Variants in ADAMTSL1 observed in about 807,000 individuals in gnomAD.
ADAMTSL1 encodes ADAMTS-like protein 1.
In ADAMTSL1, 126 loss-of-function variants were observed where a neutral mutation model predicts 201.8. That is an observed-to-expected ratio of 0.62 (90% confidence interval 0.54 to 0.72). ADAMTSL1 has a LOEUF of 0.72. Among genes scored for constraint, ADAMTSL1 ranks in the 30% least tolerant of loss-of-function variants. The probability of loss-of-function intolerance (pLI) is 0.00; values close to 1 mark genes in which losing one functional copy is unlikely to be tolerated. For missense variants in ADAMTSL1, 2,679 were observed against 2,277.8 expected (o/e 1.18, Z -3.59); for synonymous variants, 1,121 against 903.4 (o/e 1.24, Z -4.32).
At chr9:18,601,821 C>G (rs1194416394) in intron 4 of ADAMTSL1, among the ~76,000 whole-genome samples, 1 of 151,180 alleles carries the variant, frequency 6.6e-6, no homozygotes, top group Non-Finnish European at 1.5e-5. Flanking sequence ...CTATACATTT[C>G]CATAGATATT....
At chr9:18,867,728 G>A (rs1827629073) in intron 23 of ADAMTSL1, among the ~76,000 whole-genome samples, 1 of 152,092 alleles carries the variant, frequency 6.6e-6, no homozygotes, top group Non-Finnish European at 1.5e-5. Flanking sequence ...CTGAGTTCAA[G>A]CAATTCTCCC....
chr9:18,760,611 G>A (rs1183613628), intron 16 of ADAMTSL1, among the ~76,000 whole-genome samples: 1 of 152,162 alleles, frequency 6.6e-6, no homozygotes, highest in Non-Finnish European at 1.5e-5. Context: ...ATTGGATCAT[G>A]TTACCCCCTA....
chr9:18,149,151 T>C (rs1330115697), intron 1 of ADAMTSL1, among the ~76,000 whole-genome samples: 1 of 151,968 alleles, frequency 6.6e-6, no homozygotes, highest in African/African-American at 2.4e-5. Flanking sequence ...GGCTAGAAAC[T>C]GGGAGATGAA....
rs538384008 is a variant in ADAMTSL1, at chr9:17,907,266, C to T, written c.87+344C>T. Among the ~76,000 whole-genome samples the T allele has an allele frequency of 3.9e-5, 6 of 152,296 alleles. No homozygotes were observed. The South Asian group carries it at 1.2e-3, about 32-fold the overall frequency. On this transcript the variant is annotated intron_variant, in intron 1 of 29. Transcript: ENST00000680146. ...CCCCAACAGTCCTCTACCCCCCACC[C>T]TTTCCGACAGTCCTTCGCGGAGCCC...
In ADAMTSL1 at chr9:18,176,007, C is replaced by CAA. The variant is rs57982328; in HGVS notation, c.207+12051_207+12052dup. 5.9e-3 allele frequency among the ~76,000 whole-genome samples: 369 copies of CAA among 62,544 alleles called. 21 individuals carry two copies. Among genetic ancestry groups the CAA allele is most frequent in the African/African-American group, 0.024 (340 of 13,966 alleles). 41.0% of individuals were successfully genotyped at this position (62,544 alleles called of 152,430 possible). On this transcript the variant is annotated intron_variant, in intron 2 of 29. Coordinates refer to the ADAMTSL1 transcript ENST00000680146. ...GGGAAGGGGCTAAGAAGAGGGAAAGCAAAAAAAAAAAAAAAAAAAAAAAAA... is the reference window on the plus strand; with the variant it reads ...GGGAAGGGGCTAAGAAGAGGGAAAGCAAAAAAAAAAAAAAAAAAAAAAAAAAA...
intron 2 of ADAMTSL1, among the ~76,000 whole-genome samples, chr9:18,282,931 T>C (rs1206823209): frequency 1.3e-5 from 2 of 152,198 alleles, no homozygotes; most frequent in Non-Finnish European, 2.9e-5. Flanking sequence ...TGTTTGTTTT[T>C]AACCTGAAGT....
rs553457530 is a variant in ADAMTSL1, at chr9:18,138,312, A to G, written c.88-25550A>G. On this transcript the variant is annotated intron_variant, in intron 1 of 29. Transcript: ENST00000680146. ...TTCAGGTTTTAAACCAGATATACAT[A>G]CATATCTTGCATGTGTTTTTTCTAG... Among the ~76,000 whole-genome samples the G allele has an allele frequency of 8.3e-4, 126 of 152,298 alleles. 1 individual carries two copies. The highest frequency in any genetic ancestry group is 3.1e-3 in the South Asian group (15 of 4,828).
intron 15 of ADAMTSL1, among the ~76,000 whole-genome samples, chr9:18,743,880 C>G (rs1319521513): frequency 6.6e-6 from 1 of 152,158 alleles, no homozygotes; most frequent in Non-Finnish European, 1.5e-5. Flanking sequence ...GCAAATCCAT[C>G]TGTGATCGCT....
chr9:18,564,140 C>T (rs570841879), intron 3 of ADAMTSL1, among the ~76,000 whole-genome samples: 14 of 152,158 alleles, frequency 9.2e-5, no homozygotes, highest in South Asian at 6.2e-4. Flanking sequence ...GCCCTGGTTG[C>T]GTGGGCACCT....
chr9:18,451,887 G>T (rs1587255313), intron 2 of ADAMTSL1, among the ~76,000 whole-genome samples: 1 of 152,242 alleles, frequency 6.6e-6, no homozygotes, highest in Non-Finnish European at 1.5e-5. Context: ...GAGAGGATGA[G>T]AGTGAGGGAG....
chr9:18,768,165 G>C (rs770335455), intron 16 of ADAMTSL1, among the ~76,000 whole-genome samples: 2 of 152,244 alleles, frequency 1.3e-5, no homozygotes, highest in Admixed American at 6.5e-5. Flanking sequence ...GAATTGAATG[G>C]CAAAGCCCAG....
chr9:18,118,266 G>A (rs1825343780), intron 1 of ADAMTSL1, among the ~76,000 whole-genome samples: 2 of 152,178 alleles, frequency 1.3e-5, no homozygotes, highest in Admixed American at 1.3e-4. Flanking sequence ...CAGATTTGCT[G>A]CACAAGGATT....
chr9:18,236,399 C>T (rs548065400), intron 2 of ADAMTSL1, among the ~76,000 whole-genome samples: 4 of 152,300 alleles, frequency 2.6e-5, no homozygotes, highest in African/African-American at 7.2e-5. Context: ...GACTGTGCCA[C>T]TGACATGCTG....
intron 1 of ADAMTSL1, among the ~76,000 whole-genome samples, chr9:17,936,618 G>A (rs1413708833): frequency 3.3e-5 from 5 of 152,116 alleles, no homozygotes; most frequent in African/African-American, 7.2e-5. Flanking sequence ...ATTATATCGT[G>A]GTCTCTCCCT....
At chr9:18,177,696 G>A (rs577162736) in intron 2 of ADAMTSL1, among the ~76,000 whole-genome samples, 5 of 152,254 alleles carry the variant, frequency 3.3e-5, no homozygotes, top group African/African-American at 9.6e-5. Context: ...ATGGAGGAAC[G>A]GTGCATATTA....
chr9:17,934,874 T>C (rs1826939241), intron 1 of ADAMTSL1, among the ~76,000 whole-genome samples: 1 of 146,524 alleles, frequency 6.8e-6, no homozygotes, highest in African/African-American at 2.5e-5. Context: ...CTAGTAATTC[T>C]TCCCCTCTTT....
In ADAMTSL1 at chr9:18,703,694, G is replaced by A. The variant is rs991026954; in HGVS notation, c.1575-3053G>A. Among the ~76,000 whole-genome samples the A allele has an allele frequency of 2.9e-4, 12 of 41,156 alleles. No homozygotes were observed. The South Asian group carries it at 3.5e-3, about 12-fold the overall frequency. The allele number at this position is 41,156 out of a possible 152,430, so 27.0% of individuals were successfully genotyped here. ...AGTAAAAAATTACACACGTGCATGC[G>A]CACATACATATATATATATATATAT... On this transcript the variant is annotated intron_variant, in intron 13 of 28. Transcript: ENST00000380548.
intron 23 of ADAMTSL1, among the ~76,000 whole-genome samples, chr9:18,880,193 T>C (rs1157912300): frequency 6.6e-6 from 1 of 152,206 alleles, no homozygotes; most frequent in Non-Finnish European, 1.5e-5. Context: ...CCATGAGGGC[T>C]AGAATCAACC....
At chr9:18,591,770 G>A (rs1935434846) in intron 4 of ADAMTSL1, among the ~76,000 whole-genome samples, 1 of 152,162 alleles carries the variant, frequency 6.6e-6, no homozygotes, top group Non-Finnish European at 1.5e-5. Flanking sequence ...TGAGAAATAA[G>A]TTTGTTTATT....
Sources: allele counts gnomAD v4.1 joint callset (sites outside exome capture counted in the v4.1 genomes callset), GRCh38; gene constraint gnomAD v4.1.1; transcripts MANE v1.5; gene names NCBI Gene and HGNC (gene_info 2026-07-23, HGNC 2026-07-21).